KCNG1: variants seen among roughly 807,000 people sequenced by gnomAD.
KCNG1 encodes the protein potassium voltage-gated channel modifier subfamily G member 1.
A neutral mutation model predicts 32.4 loss-of-function variants in KCNG1; 17 were observed. The observed-to-expected ratio is 0.52, with a 90% CI of 0.36 to 0.79. The LOEUF (loss-of-function observed/expected upper bound fraction) is 0.79, where lower values mean the gene tolerates loss of function less well. Among genes scored for constraint, KCNG1 ranks in the 30% least tolerant of loss-of-function variants. KCNG1 has a pLI of 0.00. For missense variants in KCNG1, 441 were observed against 735.2 expected, an observed-to-expected ratio of 0.60 and a Z score of 4.63; for synonymous variants, 358 against 339.9, an observed-to-expected ratio of 1.05 and a Z score of -0.59.
At chr20:51,020,785 C>T (rs559832785) in intron 1 of KCNG1, among the ~76,000 whole-genome samples, 2 of 152,260 alleles carry the variant, frequency 1.3e-5, no homozygotes, top group African/African-American at 2.4e-5. Context: ...GTGAGTTCCT[C>T]GGAGCTGGTT....
chr20:51,009,174 G>A (rs908818161), intron 2 of KCNG1, among the ~76,000 whole-genome samples: 1 of 152,190 alleles, frequency 6.6e-6, no homozygotes. Context: ...AGAAAGGACC[G>A]AATGGTTGAG....
intron 1 of KCNG1, 32 bp from the exon 2 acceptor site, chr20:51,010,396 G>A: frequency 7.2e-7 from 1 of 1,392,366 alleles, no homozygotes; most frequent in Non-Finnish European, 9.6e-7. Flanking sequence ...GACCCTCAGT[G>A]ACCACCCCTA....
At position 51,009,883 on chromosome 20, in the gene KCNG1, C is replaced by G. The variant is rs753787261; in HGVS notation, c.456G>C (p.Leu152=). 8 of 1,613,496 alleles carry G rather than the reference C, an allele frequency of 5.0e-6. No individual in the cohort carries two copies. The change falls in exon 2 of 3, where the codon CTG becomes CTC. Residue 152 remains leucine (L), a synonymous_variant. Transcript: ENST00000371571. ...MCALSFQEEL[L]YWGIAEDHLD... The stretch of plus-strand genomic sequence containing the variant: ...GGTGGTCCTCCGCGATGCCCCAGTA[C>G]AGCAGCTCCTCCTGGAAGGACAGCG...
In KCNG1 at chr20:51,003,910, C is replaced by G; in HGVS notation, c.*129G>C. On this transcript the variant is annotated 3_prime_UTR_variant, in exon 3 of 3. Coordinates refer to ENST00000371571, the MANE Select transcript of KCNG1 (RefSeq NM_002237.4). ...GTGTGGGAGTGAGGGTGTCCTTCCC[C>G]GGGTGCGTGGGAGTCGGTGCTGCGC... is the stretch of plus-strand genomic sequence containing the variant. 1 of 996,814 alleles carries G rather than the reference C, an allele frequency of 1.0e-6. No individual in the cohort carries two copies. Among genetic ancestry groups the G allele is most frequent in the Non-Finnish European group, 1.5e-6 (1 of 686,142 alleles). The allele number at this position is 996,814 out of a possible 1,614,324, so 61.7% of individuals were successfully genotyped here. A position where few individuals can be genotyped will look rare whatever the true frequency, so the allele number is the denominator to read the frequency against.
intron 2 of KCNG1, chr20:51,007,331 G>A (rs546255526): frequency 6.6e-6 from 1 of 152,006 alleles, no homozygotes; most frequent in South Asian, 2.1e-4. Flanking sequence ...GATTACAAGC[G>A]AGTGCCAACA....
In KCNG1 at chr20:51,020,971, G is replaced by A. The variant is rs117160190; in HGVS notation, c.-27+1899C>T. Among the ~76,000 whole-genome samples the A allele has an allele frequency of 7.2e-3, 1,100 of 152,304 alleles. 4 individuals are homozygous for A. Among genetic ancestry groups the A allele is most frequent in the Admixed American group, 0.013 (203 of 15,304 alleles). ...GCTTCGGGAAAGTCTTTGGGGATGG[G>A]GAGAAGCAAGTAACCTCTGCCTCCC... On this transcript the variant is annotated intron_variant, in intron 1 of 2. Coordinates refer to ENST00000371571, the MANE Select transcript of KCNG1 (RefSeq NM_002237.4).
At chr20:51,008,789 G>A (rs904170842) in intron 2 of KCNG1, among the ~76,000 whole-genome samples, 7 of 152,272 alleles carry the variant, frequency 4.6e-5, no homozygotes, top group South Asian at 2.1e-4. Context: ...AAGCTGCCAC[G>A]TGGACACCAT....
intron 2 of KCNG1, chr20:51,006,092 A>T (rs1008020190): frequency 6.6e-6 from 1 of 152,028 alleles, no homozygotes; most frequent in Non-Finnish European, 1.5e-5. Context: ...CTCCATCCCA[A>T]CCCCAATAGA....
chr20:51,021,054 G>A (rs1268970685), intron 1 of KCNG1, among the ~76,000 whole-genome samples: 1 of 152,180 alleles, frequency 6.6e-6, no homozygotes, highest in Admixed American at 6.5e-5. Context: ...CAAAACTAGG[G>A]GTTTGGTTGA....
chr20:51,019,906 C>A (rs1200104202), intron 1 of KCNG1, among the ~76,000 whole-genome samples: 1 of 152,194 alleles, frequency 6.6e-6, no homozygotes, highest in Non-Finnish European at 1.5e-5. Context: ...CGGGTCCTGG[C>A]ATGTTAGATT....
intron 1 of KCNG1, among the ~76,000 whole-genome samples, chr20:51,021,526 C>T (rs80206016): frequency 0.05 from 7,661 of 152,218 alleles, 318 homozygotes; most frequent in African/African-American, 0.12. Flanking sequence ...GTATCAAACA[C>T]ACACTAATGA....
intron 2 of KCNG1, 22 bp downstream of exon 2, chr20:51,009,543 C>T (rs1485241890): frequency 1.3e-6 from 2 of 1,564,412 alleles, no homozygotes; most frequent in Non-Finnish European, 1.7e-6. Flanking sequence ...GGCGCGTTTC[C>T]CCGCGGGGCG....
intron 1 of KCNG1, among the ~76,000 whole-genome samples, chr20:51,022,443 G>T (rs1988516186): frequency 6.6e-6 from 1 of 152,160 alleles, no homozygotes. Flanking sequence ...TGGGGGTGAA[G>T]GGGGGCTCCA....
chr20:51,019,847 A>G (rs903604845), intron 1 of KCNG1, among the ~76,000 whole-genome samples: 1 of 152,148 alleles, frequency 6.6e-6, no homozygotes, highest in Non-Finnish European at 1.5e-5. Flanking sequence ...GGCTGCATTA[A>G]TCCCCAATTA....
At chr20:51,022,009 C>T (rs531939194) in intron 1 of KCNG1, among the ~76,000 whole-genome samples, 1 of 152,180 alleles carries the variant, frequency 6.6e-6, no homozygotes, top group Non-Finnish European at 1.5e-5. Flanking sequence ...CTACAGTTGG[C>T]CACCCCGGCA....
chr20:51,010,439 A>G, intron 1 of KCNG1, 75 bp from the exon 2 acceptor site: 1 of 991,086 alleles, frequency 1.0e-6, no homozygotes, highest in Non-Finnish European at 1.4e-6. Context: ...GATTCCGCAG[A>G]TATTCACTGT....
Position 51,009,684 on chromosome 20 carries a change from T to C in KCNG1, c.655A>G (p.Arg219Gly). 1 of 1,605,610 alleles carries C rather than the reference T, an allele frequency of 6.2e-7. No homozygotes were observed. Among genetic ancestry groups the C allele is most frequent in the Non-Finnish European group, 8.5e-7 (1 of 1,179,162 alleles). The change falls in exon 2 of 3, where the codon AGG (arginine) becomes GGG (glycine). Residue 219 changes from arginine (R) to glycine (G), a missense_variant. Around this residue, in one of 6 missense-constraint regions of KCNG1, gnomAD observed 169 missense variants for 297.7 expected, o/e 0.57. Transcript: ENST00000371571. ...TTGCCAGGCAGCCCCGAGTGCGGCC[T>C]CTCCACCATGTCGCGCAGTCGCCGC... ...CMRRLRDMVERPHSGLPGKVF... is the reference protein window; with the variant it reads ...CMRRLRDMVEGPHSGLPGKVF...
intron 1 of KCNG1, among the ~76,000 whole-genome samples, chr20:51,021,362 A>G (rs528466379): frequency 3.3e-5 from 5 of 152,296 alleles, no homozygotes; most frequent in South Asian, 2.1e-4. Flanking sequence ...AATAGAGCTC[A>G]GGTCTGGCAG....
intron 2 of KCNG1, among the ~76,000 whole-genome samples, chr20:51,008,643 A>ATT (rs10626097): frequency 0.77 from 116,650 of 151,584 alleles, 45,742 homozygotes; most frequent in Middle Eastern, 0.85. Flanking sequence ...TGATCTTATG[A>ATT]TTTTTTTTAA....
Sources: allele counts gnomAD v4.1 joint callset (sites outside exome capture counted in the v4.1 genomes callset), GRCh38; gene constraint gnomAD v4.1.1; regional missense constraint gnomAD v4.1.1; transcripts MANE v1.5; gene names NCBI Gene and HGNC (gene_info 2026-07-23, HGNC 2026-07-21).